Variants in TMEM132B observed in about 807,000 individuals in gnomAD.
TMEM132B encodes transmembrane protein 132B.
Under a neutral mutation model 90.8 loss-of-function variants are expected in TMEM132B, and 18 were observed. The observed-to-expected ratio is 0.20, with a 90% CI of 0.14 to 0.29. The LOEUF (loss-of-function observed/expected upper bound fraction) is 0.29. Ranked by LOEUF, TMEM132B falls within the 10% of genes least tolerant of loss-of-function variation. TMEM132B has a pLI of 1.00. For synonymous variants in TMEM132B, 504 were observed against 523.3 expected (o/e 0.96, Z 0.50); for missense variants, 1,096 against 1,326.8 (o/e 0.83, Z 2.70).
intron 3 of TMEM132B, among the ~76,000 whole-genome samples, chr12:125,433,078 G>A (rs1275470935): frequency 6.6e-6 from 1 of 152,226 alleles, no homozygotes; most frequent in African/African-American, 2.4e-5. Context: ...TTCTAAGAAT[G>A]CCGCGTGCCC....
chr12:125,518,455 C>T (rs939782482), intron 3 of TMEM132B, among the ~76,000 whole-genome samples: 4 of 152,146 alleles, frequency 2.6e-5, no homozygotes, highest in South Asian at 2.1e-4. Context: ...GTGTGTGGCT[C>T]AGGCCTTGGG....
intron 1 of TMEM132B, among the ~76,000 whole-genome samples, chr12:125,342,285 G>C (rs1168128145): frequency 1.3e-5 from 2 of 152,108 alleles, no homozygotes; most frequent in Admixed American, 1.3e-4. Context: ...GGCTGTACGG[G>C]GATGGTTAGC....
At chr12:125,635,592 C>G (rs1886461634) in intron 5 of TMEM132B, among the ~76,000 whole-genome samples, 1 of 152,182 alleles carries the variant, frequency 6.6e-6, no homozygotes, top group Non-Finnish European at 1.5e-5. Context: ...AACAGTGCCA[C>G]AGTAAACACA....
chr12:125,263,974 G>T (rs963836682), intron 1 of TMEM132B, among the ~76,000 whole-genome samples: 2 of 152,164 alleles, frequency 1.3e-5, no homozygotes, highest in East Asian at 3.8e-4. Context: ...TGGAAATTCA[G>T]TGGCTTACAC....
chr12:125,568,464 T>C (rs1321252107), intron 4 of TMEM132B, among the ~76,000 whole-genome samples: 2 of 152,158 alleles, frequency 1.3e-5, no homozygotes, highest in Non-Finnish European at 2.9e-5. Context: ...TTTTCCCCCA[T>C]GCAATGCCTG....
chr12:125,331,330 C>T (rs1407551602), intron 1 of TMEM132B, among the ~76,000 whole-genome samples: 3 of 152,336 alleles, frequency 2.0e-5, no homozygotes, highest in East Asian at 3.9e-4. Context: ...TTGTATTTTT[C>T]CTCCGCACCA....
chr12:125,232,843 G>A (rs951989671), intron 1 of TMEM132B, among the ~76,000 whole-genome samples: 2 of 152,206 alleles, frequency 1.3e-5, no homozygotes, highest in Non-Finnish European at 2.9e-5. Flanking sequence ...GACTCTTCTA[G>A]CTAATAAGAA....
In TMEM132B at chr12:125,349,463, C is replaced by T; in HGVS notation, c.79C>T (p.Arg27Ter). 1.9e-6 allele frequency: 3 copies of T among 1,609,050 alleles called. No homozygotes were observed. The highest frequency in any genetic ancestry group is 1.7e-6 in the Non-Finnish European group (2 of 1,177,448). Residue 27 changes from arginine (R) to a stop codon, truncating the protein, a stop_gained, in exon 2 of 9, where the codon CGA (arginine) becomes TGA (stop). Transcript: ENST00000682704. LOFTEE classifies it high-confidence loss of function. This position sits in a 1 kb window ranked among gnomAD's most constrained non-coding sequence, Gnocchi z 4.1. Reference protein sequence around the residue: ...TALQCPVTESRGIVDSLQKFS... With the variant: ...TALQCPVTES Reference sequence around the variant, plus strand: ...CCTTTCTTGTGCAGTGACAGAGAGTCGAGGGATTGTGGATAGCCTGCAGAA... The same window carrying T: ...CCTTTCTTGTGCAGTGACAGAGAGTTGAGGGATTGTGGATAGCCTGCAGAA...
intron 2 of TMEM132B, among the ~76,000 whole-genome samples, chr12:125,411,333 G>T (rs147437239): frequency 0.018 from 2,676 of 147,728 alleles, 40 homozygotes; most frequent in Non-Finnish European, 0.03. Flanking sequence ...GCATAGGGAG[G>T]GGAACATCAC....
intron 1 of TMEM132B, among the ~76,000 whole-genome samples, chr12:125,188,445 T>C (rs1000144875): frequency 1.3e-5 from 2 of 152,182 alleles, no homozygotes; most frequent in African/African-American, 4.8e-5. Context: ...GGTCAGCATT[T>C]GCCTGGATGT....
intron 4 of TMEM132B, among the ~76,000 whole-genome samples, chr12:125,572,189 T>A (rs181978703): frequency 6.6e-6 from 1 of 152,362 alleles, no homozygotes; most frequent in Admixed American, 6.5e-5. Context: ...TTGCTAGTGA[T>A]GTTGTCTTTG....
chr12:125,248,319 T>G (rs1874248500), intron 1 of TMEM132B, among the ~76,000 whole-genome samples: 1 of 152,224 alleles, frequency 6.6e-6, no homozygotes, highest in Non-Finnish European at 1.5e-5. Flanking sequence ...TAAACCATAT[T>G]AATTCAATCT....
chr12:125,200,132 T>C (rs1873021642), intron 1 of TMEM132B, among the ~76,000 whole-genome samples: 1 of 152,160 alleles, frequency 6.6e-6, no homozygotes, highest in Non-Finnish European at 1.5e-5. Context: ...ATAGAGTTCG[T>C]GTGTGTGTGA....
intron 1 of TMEM132B, among the ~76,000 whole-genome samples, chr12:125,268,044 G>A (rs1035198183): frequency 8.5e-5 from 13 of 152,100 alleles, no homozygotes; most frequent in African/African-American, 2.9e-4. Flanking sequence ...CCAGGAGGTC[G>A]AGACCAGCCT....
chr12:125,297,162 A>G (rs957627061), intron 1 of TMEM132B, among the ~76,000 whole-genome samples: 2 of 152,208 alleles, frequency 1.3e-5, no homozygotes, highest in African/African-American at 4.8e-5. Context: ...TGCCTGGGTC[A>G]GCATTGGATG....
chr12:125,491,840 CTG>C (rs1203824676), intron 3 of TMEM132B, among the ~76,000 whole-genome samples: 5 of 152,258 alleles, frequency 3.3e-5, no homozygotes, highest in African/African-American at 1.2e-4. Flanking sequence ...GCTCCAGAGA[CTG>C]AGGAATTTCT....
chr12:125,520,703 C>T (rs568712056), intron 4 of TMEM132B, among the ~76,000 whole-genome samples: 3 of 152,190 alleles, frequency 2.0e-5, no homozygotes, highest in Non-Finnish European at 2.9e-5. Context: ...TCTTCCTAGA[C>T]ATTATCACTG....
At chr12:125,198,124 T>C (rs1872971972) in intron 1 of TMEM132B, among the ~76,000 whole-genome samples, 2 of 152,232 alleles carry the variant, frequency 1.3e-5, no homozygotes, top group Admixed American at 6.5e-5. Context: ...GGATATAGCC[T>C]TCTTTATGTT....
rs138993809 is a variant in TMEM132B at position 125,218,201 on chromosome 12, G to A, written c.67+31335G>A. Among the ~76,000 whole-genome samples the A allele has an allele frequency of 1.2e-3, 188 of 152,216 alleles. 2 individuals carry two copies. Among genetic ancestry groups the A allele is most frequent in the African/African-American group, 3.5e-3 (144 of 41,518 alleles). On this transcript the variant is annotated intron_variant, in intron 1 of 8. Coordinates refer to ENST00000682704, the MANE Select transcript of TMEM132B (RefSeq NM_001366854.1). ...TGGGAGGGTAATGGATTGCCTGGGG[G>A]ACAAGGGATGGGAGGTGATAATGTT...
Sources: gnomAD v4.1 joint callset for allele counts (sites outside exome capture counted in the v4.1 genomes callset) on GRCh38, gnomAD v4.1.1 for gene constraint, Gnocchi (gnomAD v3.1) non-coding constraint, MANE v1.5 for transcripts, NCBI Gene and HGNC (gene_info 2026-07-23, HGNC 2026-07-21) for gene names.